The following CHRM5 variants were observed in gnomAD, a reference collection of about 807,000 sequenced individuals.
CHRM5 encodes the protein muscarinic acetylcholine receptor M5.
A neutral mutation model predicts 39.0 loss-of-function variants in CHRM5; 18 were observed. The ratio of observed to expected loss-of-function variants is 0.46; its 90% CI spans 0.32 to 0.68. CHRM5 has a LOEUF of 0.68. CHRM5 is among the 30% of genes least tolerant of loss of function. CHRM5 has a pLI of 0.04. For missense variants in CHRM5, 515 were observed against 651.1 expected (o/e 0.79, Z 2.28); for synonymous variants, 241 against 246.3 (o/e 0.98, Z 0.20).
At chr15:34,035,449 A>G (rs889332139) in intron 1 of CHRM5, among the ~76,000 whole-genome samples, 23 of 152,048 alleles carry the variant, frequency 1.5e-4, no homozygotes, top group African/African-American at 5.6e-4. Context: ...TCAAATCTCA[A>G]AGTCATTCCA....
At chr15:34,062,607 T>C in intron 2 of CHRM5, 36 bp from the exon 3 acceptor site, 1 of 880,348 alleles carries the variant, frequency 1.1e-6, no homozygotes, top group Non-Finnish European at 1.7e-6. Context: ...AAAATCATGC[T>C]GGTGTGCGAA....
rs1039527184 is a variant in CHRM5, at chr15:34,064,677, T to C, written c.*361T>C. On this transcript the variant is annotated 3_prime_UTR_variant, in exon 3 of 3. Coordinates refer to ENST00000383263, the MANE Select transcript of CHRM5 (RefSeq NM_012125.4). ...AACAGCAGAGACCAGGTGGAAACCT[T>C]TTCCTGTGGAAACCTGTCATAGAAT... is the stretch of plus-strand genomic sequence containing the variant. 4.1e-6 allele frequency: 1 copy of C among 241,178 alleles called. No homozygotes were observed. The highest frequency in any genetic ancestry group is 2.3e-5 in the African/African-American group (1 of 43,952). 14.9% of individuals were successfully genotyped at this position (241,178 alleles called of 1,614,324 possible). A position where few individuals can be genotyped will look rare whatever the true frequency, so the allele number is the denominator to read the frequency against.
intron 1 of CHRM5, among the ~76,000 whole-genome samples, chr15:33,986,073 A>C (rs1027853501): frequency 2.7e-5 from 4 of 149,562 alleles, no homozygotes; most frequent in African/African-American, 9.8e-5. Flanking sequence ...ATTTGTGAAA[A>C]CCTCACATTT....
intron 1 of CHRM5, among the ~76,000 whole-genome samples, chr15:33,994,295 G>A (rs1357419297): frequency 1.3e-5 from 2 of 152,154 alleles, no homozygotes; most frequent in African/African-American, 2.4e-5. Flanking sequence ...CAGGTTGCAC[G>A]CTCCTTATGA....
chr15:33,996,876 A>G (rs1896958196), intron 1 of CHRM5, among the ~76,000 whole-genome samples: 1 of 152,220 alleles, frequency 6.6e-6, no homozygotes, highest in South Asian at 2.1e-4. Flanking sequence ...TGACAGAAGT[A>G]GGCTTCGGAA....
intron 1 of CHRM5, chr15:34,038,639 CCGCCCGTCCCGCGCAGG>C (rs1379150120): frequency 4.5e-5 from 33 of 738,220 alleles, no homozygotes; most frequent in Non-Finnish European, 4.1e-5. Context: ...GCGCCACCAT[CCGCCCGTCCCGCGCAGG>C]CGCCGGCGCC....
rs1159004556 is a variant in CHRM5, at chr15:33,968,513, C to G, written c.-1045C>G. Among the ~76,000 whole-genome samples the G allele has an allele frequency of 1.3e-5, 2 of 152,228 alleles. No homozygotes were observed. The highest frequency in any genetic ancestry group is 4.1e-4 in the South Asian group (2 of 4,828). ...CAGCTCTTCATTCATGCCAAGTACG[C>G]TCACCGTCCAGAGACATGATAAAGC... On this transcript the variant is annotated 5_prime_UTR_variant, in exon 1 of 3. Coordinates refer to ENST00000383263, the MANE Select transcript of CHRM5 (RefSeq NM_012125.4).
intron 2 of CHRM5, among the ~76,000 whole-genome samples, chr15:34,055,324 C>T (rs1449819184): frequency 6.6e-6 from 1 of 151,696 alleles, no homozygotes; most frequent in Admixed American, 6.6e-5. Flanking sequence ...ATGATTAAAC[C>T]CCATCTCTAC....
In CHRM5 at chr15:34,003,691, T is replaced by A. The variant is rs537473936; in HGVS notation, c.-408+34541T>A. 2.6e-5 allele frequency among the ~76,000 whole-genome samples: 4 copies of A among 152,308 alleles called. No homozygotes were observed. The South Asian group carries it at 8.3e-4, about 32-fold the overall frequency. On this transcript the variant is annotated intron_variant, in intron 1 of 2. Transcript: ENST00000383263. ...ACTATTTAACTTAAACATATATTACTAGGAAAACACTATTACATATAGTGA... is the reference window on the plus strand; with the variant it reads ...ACTATTTAACTTAAACATATATTACAAGGAAAACACTATTACATATAGTGA...
At chr15:34,054,021 T>C (rs1183844720) in intron 2 of CHRM5, among the ~76,000 whole-genome samples, 5 of 151,858 alleles carry the variant, frequency 3.3e-5, no homozygotes, top group Non-Finnish European at 7.4e-5. Context: ...AAAGAACCTG[T>C]ATGAACAAAC....
At chr15:33,976,168 G>A (rs1356394411) in intron 1 of CHRM5, among the ~76,000 whole-genome samples, 1 of 152,048 alleles carries the variant, frequency 6.6e-6, no homozygotes. Flanking sequence ...TTTAAAAGAG[G>A]AAATATGATC....
chr15:33,994,800 A>T (rs1002166450), intron 1 of CHRM5, among the ~76,000 whole-genome samples: 1 of 152,016 alleles, frequency 6.6e-6, no homozygotes, highest in African/African-American at 2.4e-5. Context: ...TATATTCTCT[A>T]CTCTTAGATA....
chr15:33,988,087 G>A (rs542667634), intron 1 of CHRM5, among the ~76,000 whole-genome samples: 3 of 152,310 alleles, frequency 2.0e-5, no homozygotes, highest in Admixed American at 6.5e-5. Context: ...CAAGCCTTGG[G>A]GCTTCTGTCC....
At chr15:34,003,786 T>C (rs1247208511) in intron 1 of CHRM5, among the ~76,000 whole-genome samples, 2 of 152,214 alleles carry the variant, frequency 1.3e-5, no homozygotes, top group Non-Finnish European at 1.5e-5. Context: ...TTCCATACTC[T>C]AGAATAATGA....
chr15:33,993,756 G>A (rs990371756), intron 1 of CHRM5, among the ~76,000 whole-genome samples: 7 of 152,062 alleles, frequency 4.6e-5, no homozygotes, highest in Non-Finnish European at 8.8e-5. Context: ...CTCCCCACTA[G>A]AGGTGACCGC....
intron 1 of CHRM5, among the ~76,000 whole-genome samples, chr15:34,040,109 T>G (rs1899403601): frequency 6.6e-6 from 1 of 152,204 alleles, no homozygotes; most frequent in Admixed American, 6.5e-5. Flanking sequence ...TACTTTTCAT[T>G]GCTTCTAATT....
At chr15:34,039,241 G>T in intron 1 of CHRM5, 2 of 290,484 alleles carry the variant, frequency 6.9e-6, no homozygotes, top group African/African-American at 2.3e-5. Flanking sequence ...CGTCCCGCAG[G>T]TGGGGCCGGA....
At chr15:33,977,957 AAGAAAG>A (rs1178470833) in intron 1 of CHRM5, among the ~76,000 whole-genome samples, 3 of 150,890 alleles carry the variant, frequency 2.0e-5, no homozygotes, top group East Asian at 2.0e-4. Context: ...AAGAAAAGAA[AAGAAAG>A]AGAAAGAGAA....
rs796739682 is a variant in CHRM5, at chr15:33,983,158, G to A, written c.-408+14008G>A. Among the ~76,000 whole-genome samples, 272 of 136,310 alleles carry A rather than the reference G, an allele frequency of 2.0e-3. 1 individual carries two copies. The highest frequency in any genetic ancestry group is 6.2e-3 in the East Asian group (28 of 4,522). 89.4% of individuals were successfully genotyped at this position (136,310 alleles called of 152,430 possible). A position where few individuals can be genotyped will look rare whatever the true frequency, so the allele number is the denominator to read the frequency against. Reference sequence around the variant, plus strand: ...TGTGTGTGTGTGTGTGTGTGTGTGTGTATGTGTGTGTGTATATATACACAC... The same window carrying A: ...TGTGTGTGTGTGTGTGTGTGTGTGTATATGTGTGTGTGTATATATACACAC... On this transcript the variant is annotated intron_variant, in intron 1 of 2. Transcript: ENST00000383263.
Sources: allele counts gnomAD v4.1 joint callset (sites outside exome capture counted in the v4.1 genomes callset), GRCh38; gene constraint gnomAD v4.1.1; transcripts MANE v1.5; gene names NCBI Gene and HGNC (gene_info 2026-07-23, HGNC 2026-07-21).